The following PLXDC2 variants were observed in gnomAD, a reference collection of about 807,000 sequenced individuals.
PLXDC2 encodes plexin domain containing 2.
In PLXDC2, 40 loss-of-function variants were observed where a neutral mutation model predicts 68.9. That is an observed-to-expected ratio of 0.58 (90% confidence interval 0.45 to 0.76). PLXDC2 has a LOEUF of 0.76. Among genes scored for constraint, PLXDC2 ranks in the 30% least tolerant of loss-of-function variants. PLXDC2 has a pLI of 0.00. For synonymous variants in PLXDC2, 243 were observed against 234.2 expected (o/e 1.04, Z -0.34); for missense variants, 644 against 661.9 (o/e 0.97, Z 0.30).
At chr10:20,210,049 A>G (rs1241440905) in intron 9 of PLXDC2, among the ~76,000 whole-genome samples, 7 of 152,196 alleles carry the variant, frequency 4.6e-5, no homozygotes, top group African/African-American at 1.4e-4. Context: ...ACATAAGTAC[A>G]TGAGATTTTA....
At chr10:20,244,845 G>C (rs1426129664) in intron 12 of PLXDC2, among the ~76,000 whole-genome samples, 2 of 152,194 alleles carry the variant, frequency 1.3e-5, no homozygotes, top group Non-Finnish European at 2.9e-5. Context: ...GCCAGGTGCG[G>C]TGGCTCACGC....
rs1256132821 is a variant in PLXDC2 at position 20,044,207 on chromosome 10, CTCTGTCTTTCTTTCTT to C, written c.325-2658_325-2643del. Among the ~76,000 whole-genome samples the C allele has an allele frequency of 3.9e-3, 351 of 89,994 alleles. 4 individuals are homozygous for C. Among genetic ancestry groups the C allele is most frequent in the Non-Finnish European group, 5.5e-3 (248 of 45,290 alleles). 59.0% of individuals were successfully genotyped at this position (89,994 alleles called of 152,430 possible). A position where few individuals can be genotyped will look rare whatever the true frequency, so the allele number is the denominator to read the frequency against. On this transcript the variant is annotated intron_variant, in intron 2 of 13. Coordinates refer to ENST00000377252, the MANE Select transcript of PLXDC2 (RefSeq NM_032812.9). ...TTTCTTTCTTTCTCTCTCTCTCTCTCTCTGTCTTTCTTTCTTTCTTTCTTTCTTTCTTTCTTTCTTT... is the reference window on the plus strand; with the variant it reads ...TTTCTTTCTTTCTCTCTCTCTCTCTCTCTTTCTTTCTTTCTTTCTTTCTTT...
chr10:19,860,452 A>G (rs1467830008), intron 1 of PLXDC2, among the ~76,000 whole-genome samples: 1 of 152,202 alleles, frequency 6.6e-6, no homozygotes, highest in Non-Finnish European at 1.5e-5. Context: ...ATGAAAGAAC[A>G]CTGAACTAGA....
rs1251052206 is a variant in PLXDC2 at position 19,984,045 on chromosome 10, A to G, written c.113-17730A>G. Among the ~76,000 whole-genome samples, 4 of 152,334 alleles carry G rather than the reference A, an allele frequency of 2.6e-5. No individual in the cohort carries two copies. The East Asian group carries it at 7.7e-4, about 29-fold the overall frequency. On this transcript the variant is annotated intron_variant, in intron 1 of 13. Transcript: ENST00000377252. ...CCAGCGGTTTTCCATATGATGACATATTCCCATGGGTCGTCGAAGTGTCAG... is the reference window on the plus strand; with the variant it reads ...CCAGCGGTTTTCCATATGATGACATGTTCCCATGGGTCGTCGAAGTGTCAG...
At chr10:20,240,557 A>G (rs1408163997) in intron 12 of PLXDC2, among the ~76,000 whole-genome samples, 2 of 152,128 alleles carry the variant, frequency 1.3e-5, no homozygotes, top group African/African-American at 4.8e-5. Flanking sequence ...AAATCAAAGC[A>G]TATCAATGAA....
In PLXDC2 at chr10:20,217,497, G is replaced by C. The variant is rs74368421; in HGVS notation, c.1194G>C (p.Ala398=). 39 of 1,611,166 alleles carry C rather than the reference G, an allele frequency of 2.4e-5. No homozygotes were observed. The highest frequency in any genetic ancestry group is 3.1e-5 in the Non-Finnish European group (36 of 1,178,892). The change falls in exon 11 of 14, where the codon GCG becomes GCC. Residue 398 remains alanine, a synonymous_variant. Transcript: ENST00000377252. Reference sequence around the variant, plus strand: ...CTCGAACCACCACAACCGTAGGAGCGACAACCACCCAGTTCAGGGTCCTAA... The same window carrying C: ...CTCGAACCACCACAACCGTAGGAGCCACAACCACCCAGTTCAGGGTCCTAA... ...TSSRTTTTVG[A]TTTQFRVLTT...
intron 2 of PLXDC2, among the ~76,000 whole-genome samples, chr10:20,027,490 C>G (rs888341903): frequency 6.6e-6 from 1 of 152,056 alleles, no homozygotes; most frequent in South Asian, 2.1e-4. Flanking sequence ...GACTTTGTAG[C>G]CTCCAGAACT....
chr10:20,083,624 G>A (rs1256956593), intron 4 of PLXDC2, among the ~76,000 whole-genome samples: 1 of 151,956 alleles, frequency 6.6e-6, no homozygotes, highest in Admixed American at 6.6e-5. Context: ...ATATGTATTT[G>A]TCAAACAAAA....
intron 1 of PLXDC2, among the ~76,000 whole-genome samples, chr10:19,889,590 T>C (rs958228686): frequency 6.6e-6 from 1 of 152,242 alleles, no homozygotes; most frequent in Non-Finnish European, 1.5e-5. Context: ...TTATTTGCTT[T>C]CTTTTCCTTT....
At chr10:19,983,966 C>T (rs1589569520) in intron 1 of PLXDC2, among the ~76,000 whole-genome samples, 1 of 152,168 alleles carries the variant, frequency 6.6e-6, no homozygotes, top group East Asian at 1.9e-4. Context: ...ATATAAAAGG[C>T]AGGCCCAAAC....
At chr10:20,189,476 CAT>C (rs59999548) in intron 9 of PLXDC2, among the ~76,000 whole-genome samples, 1,902 of 75,754 alleles carry the variant, frequency 0.025, 71 homozygotes, top group African/African-American at 0.087. Flanking sequence ...AAAGGTAGGC[CAT>C]ATATATATAT....
intron 1 of PLXDC2, among the ~76,000 whole-genome samples, chr10:19,909,577 T>G (rs2131372994): frequency 6.6e-6 from 1 of 152,334 alleles, no homozygotes; most frequent in East Asian, 1.9e-4. Context: ...CTCTCTCAAT[T>G]ATTTTACTGT....
chr10:20,090,717 G>T (rs953194598), intron 4 of PLXDC2, among the ~76,000 whole-genome samples: 20 of 152,118 alleles, frequency 1.3e-4, no homozygotes, highest in Middle Eastern at 6.8e-3. Flanking sequence ...TGTTGTACAC[G>T]ACTTGCACAA....
chr10:20,215,751 CAG>C (rs955136745), intron 10 of PLXDC2, among the ~76,000 whole-genome samples: 1 of 151,982 alleles, frequency 6.6e-6, no homozygotes, highest in Non-Finnish European at 1.5e-5. Context: ...TAGGTCAGCC[CAG>C]AGTCAAGTAA....
chr10:20,264,069 G>A (rs1330935726), intron 13 of PLXDC2, among the ~76,000 whole-genome samples: 3 of 152,082 alleles, frequency 2.0e-5, no homozygotes, highest in Non-Finnish European at 2.9e-5. Context: ...CAATCTAAAT[G>A]TCCATCAATG....
At chr10:19,832,131 A>T (rs1836705459) in intron 1 of PLXDC2, among the ~76,000 whole-genome samples, 1 of 152,206 alleles carries the variant, frequency 6.6e-6, no homozygotes, top group East Asian at 1.9e-4. Flanking sequence ...GATGTTGTTT[A>T]TTTAATACTT....
chr10:19,834,363 G>GTA, intron 1 of PLXDC2, among the ~76,000 whole-genome samples: 1 of 151,908 alleles, frequency 6.6e-6, no homozygotes, highest in Admixed American at 6.6e-5. Context: ...GAGTGTGTGT[G>GTA]TGTCTGTGTG....
intron 4 of PLXDC2, among the ~76,000 whole-genome samples, chr10:20,106,487 T>C (rs1172741153): frequency 1.3e-5 from 2 of 152,196 alleles, no homozygotes; most frequent in Non-Finnish European, 2.9e-5. Flanking sequence ...TGATATCCCT[T>C]GAGATGGTCC....
chr10:19,819,138 A>G (rs1368402153), intron 1 of PLXDC2, among the ~76,000 whole-genome samples: 2 of 152,230 alleles, frequency 1.3e-5, no homozygotes, highest in South Asian at 2.1e-4. Context: ...GATTGGCCAT[A>G]TAATTAAAAG....
Sources: allele counts gnomAD v4.1 joint callset (sites outside exome capture counted in the v4.1 genomes callset), GRCh38; gene constraint gnomAD v4.1.1; transcripts MANE v1.5; gene names NCBI Gene and HGNC (gene_info 2026-07-23, HGNC 2026-07-21).